The following KIRREL3 variants were observed in gnomAD, a reference collection of about 807,000 sequenced individuals.
KIRREL3 encodes kirre like nephrin family adhesion molecule 3.
Under a neutral mutation model 89.7 loss-of-function variants are expected in KIRREL3, and 36 were observed. The observed-to-expected ratio is 0.40, with a 90% CI of 0.31 to 0.53. The LOEUF (loss-of-function observed/expected upper bound fraction) is 0.53, where lower values mean the gene tolerates loss of function less well. Ranked by LOEUF, KIRREL3 falls within the 20% of genes least tolerant of loss-of-function variation. The pLI is 0.49. For synonymous variants in KIRREL3, 445 were observed against 441.4 expected (o/e 1.01, Z -0.10); for missense variants, 864 against 1,056.6 (o/e 0.82, Z 2.53).
intron 1 of KIRREL3, among the ~76,000 whole-genome samples, chr11:126,869,796 C>T (rs1028615018): frequency 3.9e-5 from 6 of 152,092 alleles, no homozygotes; most frequent in African/African-American, 1.2e-4. Context: ...AATAAGTGTT[C>T]GCTGAATCAC....
At chr11:126,921,394 T>TCTATCTAC (rs1555088674) in intron 1 of KIRREL3, among the ~76,000 whole-genome samples, 4,927 of 33,028 alleles carry the variant, frequency 0.15, 118 homozygotes, top group Admixed American at 0.22. Flanking sequence ...CTGTCTTGTA[T>TCTATCTAC]CTATCTATCT....
Position 126,471,040 on chromosome 11 carries a change from G to A in KIRREL3, c.591+2269C>T, listed in dbSNP as rs1174161226. On this transcript the variant is annotated intron_variant, in intron 5 of 16. Coordinates refer to ENST00000525144, the MANE Select transcript of KIRREL3 (RefSeq NM_032531.4). This position sits in a 1 kb window ranked among gnomAD's most constrained non-coding sequence, Gnocchi z 5.4. ...TTATTCAGGTAGAGGGAGGCCAACA[G>A]ATCAGGAGACAACTGCCGTTGAAAA... Among the ~76,000 whole-genome samples the A allele has an allele frequency of 2.6e-5, 4 of 152,172 alleles. No homozygotes were observed.
chr11:126,476,457 G>C lies in KIRREL3; in HGVS notation c.434-2991C>G, dbSNP rs911693531. On this transcript the variant is annotated intron_variant, in intron 4 of 16. Coordinates refer to ENST00000525144, the MANE Select transcript of KIRREL3 (RefSeq NM_032531.4). This position sits in a 1 kb window ranked among gnomAD's most constrained non-coding sequence, Gnocchi z 6.4. ...TGGAGTGTTGTGTTACTGGAATATC[G>C]GATTAGAGGCAGCGAGGACGAGGGA... Among the ~76,000 whole-genome samples the C allele has an allele frequency of 6.6e-6, 1 of 152,272 alleles. No homozygotes were observed. Among genetic ancestry groups the C allele is most frequent in the East Asian group, 1.9e-4 (1 of 5,174 alleles).
In KIRREL3 at chr11:126,724,474, C is replaced by G. The variant is rs1056007612; in HGVS notation, c.56-161562G>C. Among the ~76,000 whole-genome samples, 8 of 152,290 alleles carry G rather than the reference C, an allele frequency of 5.3e-5. No individual in the cohort carries two copies. The highest frequency in any genetic ancestry group is 3.4e-3 in the Middle Eastern group (1 of 294). On this transcript the variant is annotated intron_variant, in intron 1 of 16. Coordinates refer to ENST00000525144, the MANE Select transcript of KIRREL3 (RefSeq NM_032531.4). The surrounding 1 kb of genome is among the most constrained non-coding windows in gnomAD (Gnocchi z 4.3). ...CCTGGAGGTTCGGAGCCATGTCACT[C>G]CCTATCAGCCCTCTCCAAACATCCA...
In KIRREL3 at chr11:126,636,883, CAA is replaced by C. The variant is rs1165012603; in HGVS notation, c.56-73973_56-73972del. Among the ~76,000 whole-genome samples, 2 of 152,144 alleles carry C rather than the reference CAA, an allele frequency of 1.3e-5. No individual in the cohort carries two copies. Among genetic ancestry groups the C allele is most frequent in the Non-Finnish European group, 2.9e-5 (2 of 68,044 alleles). On this transcript the variant is annotated intron_variant, in intron 1 of 16. Coordinates refer to ENST00000525144, the MANE Select transcript of KIRREL3 (RefSeq NM_032531.4). This position sits in a 1 kb window ranked among gnomAD's most constrained non-coding sequence, Gnocchi z 4.4. ...ATGCCATTGCATGCCATTGTCACAT[CAA>C]TACAATGAAAGTAACACCTATATCA...
intron 1 of KIRREL3, among the ~76,000 whole-genome samples, chr11:126,982,303 C>T (rs2033261210): frequency 6.6e-6 from 1 of 152,204 alleles, no homozygotes; most frequent in African/African-American, 2.4e-5. Context: ...AGGGGTTGGA[C>T]TCAGAGACCC....
Position 126,966,474 on chromosome 11 carries a change from T to C in KIRREL3, c.55+33981A>G, listed in dbSNP as rs556665765. On this transcript the variant is annotated intron_variant, in intron 1 of 16. Transcript: ENST00000525144. ...GTTTCTCCCTCCTATCCTTGCTTTA[T>C]ATTTTACATCATGGTATCCTCCTAA... 5.3e-5 allele frequency among the ~76,000 whole-genome samples: 8 copies of C among 152,328 alleles called. No individual in the cohort carries two copies. In the East Asian group the frequency reaches 1.5e-3, roughly 29 times the overall value.
intron 5 of KIRREL3, among the ~76,000 whole-genome samples, chr11:126,467,473 G>A (rs1956763530): frequency 6.6e-6 from 1 of 152,194 alleles, no homozygotes; most frequent in Admixed American, 6.5e-5. Flanking sequence ...GGGTGGGCTG[G>A]AGGGCAGACA....
At position 126,448,740 on chromosome 11, in the gene KIRREL3, G is replaced by A. The variant is rs138907836; in HGVS notation, c.997+269C>T. The stretch of plus-strand genomic sequence containing the variant: ...GTCCCCACCAAAACCCACCACGATG[G>A]CACCCTGATTTCAGCCATTTAAGCC... On this transcript the variant is annotated intron_variant, in intron 8 of 16. Transcript: ENST00000525144. 4.8e-3 allele frequency among the ~76,000 whole-genome samples: 731 copies of A among 152,228 alleles called. 5 individuals carry two copies. Among genetic ancestry groups the A allele is most frequent in the Admixed American group, 8.8e-3 (135 of 15,294 alleles).
At chr11:126,922,452 T>A (rs958360321) in intron 1 of KIRREL3, among the ~76,000 whole-genome samples, 1 of 152,068 alleles carries the variant, frequency 6.6e-6, no homozygotes, top group African/African-American at 2.4e-5. Context: ...TCCATGTCCA[T>A]CTCCAAACTC....
At chr11:126,673,934 T>C (rs551807503) in intron 1 of KIRREL3, among the ~76,000 whole-genome samples, 57 of 152,328 alleles carry the variant, frequency 3.7e-4, no homozygotes, top group African/African-American at 1.3e-3. Context: ...GGCCCATCTA[T>C]GTGAACACTT....
chr11:126,632,423 C>G (rs1944069210), intron 1 of KIRREL3, among the ~76,000 whole-genome samples: 2 of 152,218 alleles, frequency 1.3e-5, no homozygotes, highest in African/African-American at 4.8e-5. Flanking sequence ...AATGTCCACA[C>G]ATGAGATTAT....
At chr11:126,829,754 G>A (rs997053004) in intron 1 of KIRREL3, among the ~76,000 whole-genome samples, 1 of 152,192 alleles carries the variant, frequency 6.6e-6, no homozygotes, top group African/African-American at 2.4e-5. Flanking sequence ...AGAGCTTACA[G>A]TATACATAGG....
chr11:126,440,547 G>C lies in KIRREL3; in HGVS notation c.1255C>G (p.Pro419Ala). The C allele has an allele frequency of 6.3e-7, 1 of 1,594,476 alleles. No individual in the cohort carries two copies. Among genetic ancestry groups the C allele is most frequent in the Non-Finnish European group, 8.5e-7 (1 of 1,170,898 alleles). ...EREVTLTVNG[P>A]PIISSTQTQH... Reference sequence around the variant, plus strand: ...GTCTGGGTGCTGGAGATGATGGGGGGTCCTGTTGAGAAACAGCGTCCCATT... The same window carrying C: ...GTCTGGGTGCTGGAGATGATGGGGGCTCCTGTTGAGAAACAGCGTCCCATT... The change falls in exon 11 of 17, where the codon CCC becomes GCC. Residue 419 changes from proline to alanine, a missense_variant and splice_region_variant. By Grantham distance (27) the Pro-to-Ala change is conservative. Transcript: ENST00000525144.
chr11:126,984,723 A>G (rs988865407), intron 1 of KIRREL3, among the ~76,000 whole-genome samples: 1 of 152,102 alleles, frequency 6.6e-6, no homozygotes, highest in Non-Finnish European at 1.5e-5. Context: ...CCCCGCACAA[A>G]TTGCTCTCCT....
chr11:126,590,178 ACCTT>A (rs1351862798), intron 1 of KIRREL3, among the ~76,000 whole-genome samples: 1 of 152,046 alleles, frequency 6.6e-6, no homozygotes, highest in Non-Finnish European at 1.5e-5. Flanking sequence ...GACCTTAACT[ACCTT>A]GGTTATTCGT....
rs1943903922 is a variant in KIRREL3, at chr11:126,628,918, G to A, written c.56-66006C>T. Among the ~76,000 whole-genome samples the A allele has an allele frequency of 6.6e-6, 1 of 152,186 alleles. No individual in the cohort carries two copies. Among genetic ancestry groups the A allele is most frequent in the South Asian group, 2.1e-4 (1 of 4,832 alleles). ...GGCAGGGCTTCCCCAGCCCAGCAGA[G>A]GCACCAAACCCACGCAATTTGTAAA... On this transcript the variant is annotated intron_variant, in intron 1 of 16. Transcript: ENST00000525144. The surrounding 1 kb of genome is among the most constrained non-coding windows in gnomAD (Gnocchi z 5.2).
chr11:126,762,009 T>A (rs1362928293), intron 1 of KIRREL3, among the ~76,000 whole-genome samples: 1 of 152,020 alleles, frequency 6.6e-6, no homozygotes, highest in East Asian at 1.9e-4. Flanking sequence ...TGAAACCCTA[T>A]CTCTACTAAA....
chr11:126,876,990 G>A lies in KIRREL3; in HGVS notation c.55+123465C>T, dbSNP rs529840469. On this transcript the variant is annotated intron_variant, in intron 1 of 16. Coordinates refer to ENST00000525144, the MANE Select transcript of KIRREL3 (RefSeq NM_032531.4). This position sits in a 1 kb window ranked among gnomAD's most constrained non-coding sequence, Gnocchi z 4.1. ...TTATATTACTGGGCACCCAGGAAAA[G>A]GAACAACAGATAAGGAAGAGGTGCA... Among the ~76,000 whole-genome samples the A allele has an allele frequency of 2.0e-5, 3 of 152,278 alleles. No individual in the cohort carries two copies. The highest frequency in any genetic ancestry group is 7.2e-5 in the African/African-American group (3 of 41,552).
Sources: gnomAD v4.1 joint callset for allele counts (sites outside exome capture counted in the v4.1 genomes callset) on GRCh38, gnomAD v4.1.1 for gene constraint, Gnocchi (gnomAD v3.1) non-coding constraint, MANE v1.5 for transcripts, NCBI Gene and HGNC (gene_info 2026-07-23, HGNC 2026-07-21) for gene names.